The following MEGF11 variants were observed in gnomAD, a reference collection of about 807,000 sequenced individuals.
MEGF11 encodes the protein multiple epidermal growth factor-like domains protein 11.
Under a neutral mutation model 146.6 loss-of-function variants are expected in MEGF11, and 126 were observed. That is an observed-to-expected ratio of 0.86 (90% CI 0.74 to 1.00). MEGF11 has a LOEUF of 1.00. Among genes scored for constraint, MEGF11 ranks in the 50% least tolerant of loss-of-function variants. The pLI is 0.00. For synonymous variants in MEGF11, 532 were observed against 583.4 expected (o/e 0.91, Z 1.27); for missense variants, 1,509 against 1,521.2 (o/e 0.99, Z 0.13).
At position 66,079,226 on chromosome 15, in the gene MEGF11, AG is replaced by A. The variant is rs750534660; in HGVS notation, c.394+15175del. 1.4e-3 allele frequency among the ~76,000 whole-genome samples: 212 copies of A among 152,142 alleles called. 2 individuals carry two copies. Among genetic ancestry groups the A allele is most frequent in the Non-Finnish European group, 4.9e-4 (33 of 67,986 alleles). On this transcript the variant is annotated intron_variant, in intron 5 of 25. Coordinates refer to ENST00000395614, the MANE Select transcript of MEGF11 (RefSeq NM_001385028.1). Reference sequence around the variant, plus strand: ...GTGAATTTTCTTGGGGGGACAGATGAGGATTTGTCTGGGATTTTCTTGGGGG... The same window carrying A: ...GTGAATTTTCTTGGGGGGACAGATGAGATTTGTCTGGGATTTTCTTGGGGG...
intron 1 of MEGF11, among the ~76,000 whole-genome samples, chr15:66,225,514 C>T (rs915968611): frequency 6.6e-6 from 1 of 152,210 alleles, no homozygotes; most frequent in African/African-American, 2.4e-5. Flanking sequence ...AATTCAAATG[C>T]TTCCTAATGA....
chr15:65,926,614 G>A (rs73479384), intron 13 of MEGF11, among the ~76,000 whole-genome samples: 1,554 of 152,312 alleles, frequency 0.01, 24 homozygotes, highest in African/African-American at 0.034. Context: ...GGAGGGCTCA[G>A]TGGGAGGCCC....
chr15:66,038,022 C>T (rs1396931336), intron 5 of MEGF11, among the ~76,000 whole-genome samples: 1 of 152,240 alleles, frequency 6.6e-6, no homozygotes, highest in Non-Finnish European at 1.5e-5. Flanking sequence ...CTAATGGTAG[C>T]ACTTACCAAA....
At chr15:65,992,471 T>G (rs2082082437) in intron 5 of MEGF11, among the ~76,000 whole-genome samples, 1 of 146,634 alleles carries the variant, frequency 6.8e-6, no homozygotes, top group Admixed American at 6.9e-5. Flanking sequence ...GTTAGTCACA[T>G]CCTGAGGCAC....
At chr15:66,037,887 C>G (rs1435745504) in intron 5 of MEGF11, among the ~76,000 whole-genome samples, 1 of 152,034 alleles carries the variant, frequency 6.6e-6, no homozygotes, top group Non-Finnish European at 1.5e-5. Context: ...GTGATCGGGA[C>G]AAGCACAGGA....
intron 1 of MEGF11, among the ~76,000 whole-genome samples, chr15:66,186,831 C>CTA (rs1268261187): frequency 2.0e-5 from 3 of 152,244 alleles, no homozygotes; most frequent in Non-Finnish European, 1.5e-5. Flanking sequence ...AAAGGGGAAA[C>CTA]TAGGATTCAG....
chr15:66,009,799 T>G (rs985071202), intron 5 of MEGF11, among the ~76,000 whole-genome samples: 8 of 152,024 alleles, frequency 5.3e-5, no homozygotes, highest in Admixed American at 6.5e-5. Flanking sequence ...TTTCATCGTG[T>G]TAGCCAGGAT....
intron 1 of MEGF11, among the ~76,000 whole-genome samples, chr15:66,242,280 A>T (rs7176609): frequency 6.6e-6 from 1 of 151,414 alleles, no homozygotes; most frequent in South Asian, 2.1e-4. Context: ...ATGCCAGTGC[A>T]CACCTATGTT....
At position 66,210,717 on chromosome 15, in the gene MEGF11, C is replaced by T. The variant is rs80353426; in HGVS notation, c.-9+42888G>A. ...GGAAACCGAGGCCCAGGAAGAGGGG[C>T]TACCCTCCCAAGGCTAGATTCCTCC... On this transcript the variant is annotated intron_variant, in intron 1 of 25. Coordinates refer to ENST00000395614, the MANE Select transcript of MEGF11 (RefSeq NM_001385028.1). 1.2e-3 allele frequency among the ~76,000 whole-genome samples: 177 copies of T among 152,332 alleles called. No homozygotes were observed. The East Asian group carries it at 0.03, about 26-fold the overall frequency.
At chr15:66,136,359 C>T (rs1375995908) in intron 1 of MEGF11, among the ~76,000 whole-genome samples, 2 of 152,132 alleles carry the variant, frequency 1.3e-5, no homozygotes, top group Non-Finnish European at 2.9e-5. Flanking sequence ...CAGCCAAGAG[C>T]CCACACTAGG....
intron 4 of MEGF11, among the ~76,000 whole-genome samples, chr15:66,107,052 C>CT (rs545426367): frequency 2.0e-3 from 237 of 117,072 alleles, no homozygotes; most frequent in African/African-American, 7.0e-3. Flanking sequence ...GTTTATATTC[C>CT]TACCCCCCCA....
At chr15:65,952,306 G>T (rs559952237) in intron 10 of MEGF11, among the ~76,000 whole-genome samples, 1 of 152,164 alleles carries the variant, frequency 6.6e-6, no homozygotes, top group Non-Finnish European at 1.5e-5. Context: ...AAAGGCCTGG[G>T]ATTTGAGGTT....
chr15:66,055,273 T>G (rs2084629512), intron 5 of MEGF11, among the ~76,000 whole-genome samples: 1 of 152,238 alleles, frequency 6.6e-6, no homozygotes, highest in Non-Finnish European at 1.5e-5. Flanking sequence ...GCACTAAGGA[T>G]TCAGTAAAAC....
At chr15:66,099,228 G>A (rs1389285809) in intron 4 of MEGF11, among the ~76,000 whole-genome samples, 1 of 94,248 alleles carries the variant, frequency 1.1e-5, no homozygotes, top group African/African-American at 4.7e-5. Flanking sequence ...TTTTTGATAT[G>A]GAGTCTTGCT....
intron 1 of MEGF11, among the ~76,000 whole-genome samples, chr15:66,135,749 C>T (rs1431181642): frequency 1.3e-5 from 2 of 152,196 alleles, no homozygotes; most frequent in Non-Finnish European, 2.9e-5. Flanking sequence ...CTCCCAACTC[C>T]ATCCTGTAGG....
intron 1 of MEGF11, among the ~76,000 whole-genome samples, chr15:66,250,040 C>T (rs1313847982): frequency 6.6e-6 from 1 of 152,202 alleles, no homozygotes; most frequent in Non-Finnish European, 1.5e-5. Flanking sequence ...TACAATGGGG[C>T]TCCAGAGCAC....
At chr15:65,990,115 G>GT (rs796810324) in intron 5 of MEGF11, among the ~76,000 whole-genome samples, 4 of 152,306 alleles carry the variant, frequency 2.6e-5, no homozygotes, top group African/African-American at 9.6e-5. Context: ...GGAGGCTGAG[G>GT]TAAGAGGATC....
Position 65,957,609 on chromosome 15 carries a change from A to T in MEGF11, c.1225T>A (p.Cys409Ser). Residue 409 changes from cysteine (C) to serine (S), a missense_variant, in exon 10 of 26, where the codon TGT becomes AGT. Physicochemically the swap from Cys to Ser is moderately radical, Grantham distance 112 (BLOSUM62 -1). Coordinates refer to ENST00000395614, the MANE Select transcript of MEGF11 (RefSeq NM_001385028.1). Reference sequence around the variant, plus strand: ...CTGTGGCAGTCGGCGCCATTCTGACAGGTGCAAGGCAGCTGGCAGCCATCG... The same window carrying T: ...CTGTGGCAGTCGGCGCCATTCTGACTGGTGCAAGGCAGCTGGCAGCCATCG... ...YGDGCQLPCTCQNGADCHSIT... is the reference protein window; with the variant it reads ...YGDGCQLPCTSQNGADCHSIT... The T allele has an allele frequency of 6.2e-7, 1 of 1,613,996 alleles. No homozygotes were observed. The highest frequency in any genetic ancestry group is 8.5e-7 in the Non-Finnish European group (1 of 1,179,894).
At chr15:66,138,717 C>T (rs1294969308) in intron 1 of MEGF11, among the ~76,000 whole-genome samples, 2 of 152,152 alleles carry the variant, frequency 1.3e-5, no homozygotes. Context: ...TTTAACCTCC[C>T]GGGCTCCCAG....
Sources: allele counts gnomAD v4.1 joint callset (sites outside exome capture counted in the v4.1 genomes callset), GRCh38; gene constraint gnomAD v4.1.1; transcripts MANE v1.5; gene names NCBI Gene and HGNC (gene_info 2026-07-23, HGNC 2026-07-21).